ROR2: variants seen among roughly 807,000 people sequenced by gnomAD.
ROR2 encodes the protein ROR family WNT receptor 2.
A neutral mutation model predicts 74.9 loss-of-function variants in ROR2; 33 were observed. That is an observed-to-expected ratio of 0.44 (90% CI 0.33 to 0.59). The LOEUF (loss-of-function observed/expected upper bound fraction) is 0.59. ROR2 is among the 20% of genes least tolerant of loss of function. The pLI is 0.02. For missense variants in ROR2, 1,216 were observed against 1,313.8 expected, an observed-to-expected ratio of 0.93 and a Z score of 1.15; for synonymous variants, 586 against 558.7, an observed-to-expected ratio of 1.05 and a Z score of -0.69.
intron 1 of ROR2, among the ~76,000 whole-genome samples, chr9:91,890,908 T>C (rs1183081428): frequency 6.6e-6 from 1 of 152,226 alleles, no homozygotes; most frequent in African/African-American, 2.4e-5. Flanking sequence ...TAGCATCCAC[T>C]GAGATGATTT....
chr9:91,824,723 T>C (rs1454188028), intron 1 of ROR2, among the ~76,000 whole-genome samples: 2 of 152,134 alleles, frequency 1.3e-5, no homozygotes, highest in Non-Finnish European at 2.9e-5. Flanking sequence ...ATTTCCTTGA[T>C]GAGAAACAGG....
At position 91,911,677 on chromosome 9, in the gene ROR2, G is replaced by A. The variant is rs572035980; in HGVS notation, c.97+38190C>T. ...ATTACTGCAAGCAAAAACTACAGAT[G>A]GAGGCTAGAATTAGTGGAGGAGAAC... On this transcript the variant is annotated intron_variant, in intron 1 of 8. Coordinates refer to ENST00000375708, the MANE Select transcript of ROR2 (RefSeq NM_004560.4). Among the ~76,000 whole-genome samples the A allele has an allele frequency of 1.4e-4, 22 of 152,166 alleles. 1 individual carries two copies. The South Asian group carries it at 4.4e-3, about 30-fold the overall frequency.
chr9:91,845,656 C>A (rs1268811991), intron 1 of ROR2, among the ~76,000 whole-genome samples: 1 of 151,932 alleles, frequency 6.6e-6, no homozygotes, highest in African/African-American at 2.4e-5. Context: ...CTGAGGCGGG[C>A]GGATCACCTG....
At chr9:91,814,624 T>C (rs571664406) in intron 1 of ROR2, among the ~76,000 whole-genome samples, 2 of 152,344 alleles carry the variant, frequency 1.3e-5, no homozygotes, top group South Asian at 4.1e-4. Context: ...GACAAAAAGT[T>C]AACCTGAGAT....
At chr9:91,904,199 C>T (rs1168988536) in intron 1 of ROR2, among the ~76,000 whole-genome samples, 2 of 152,052 alleles carry the variant, frequency 1.3e-5, no homozygotes, top group African/African-American at 4.8e-5. Flanking sequence ...CACCACCACA[C>T]CCGGGCCCAG....
chr9:91,789,083 G>C (rs1260969194), intron 1 of ROR2, among the ~76,000 whole-genome samples: 2 of 152,118 alleles, frequency 1.3e-5, no homozygotes, highest in East Asian at 3.8e-4. Context: ...CTTCACGATA[G>C]CTAGAAGAGA....
At chr9:91,813,355 G>A (rs1827821864) in intron 1 of ROR2, among the ~76,000 whole-genome samples, 2 of 152,162 alleles carry the variant, frequency 1.3e-5, no homozygotes. Flanking sequence ...TTGTCTAAAT[G>A]TATTTATACT....
At chr9:91,909,861 T>TTG (rs1554691410) in intron 1 of ROR2, among the ~76,000 whole-genome samples, 2 of 129,194 alleles carry the variant, frequency 1.5e-5, no homozygotes, top group African/African-American at 3.1e-5. Flanking sequence ...TTTTTTTTTT[T>TTG]TTTTTTTTTT....
At chr9:91,922,099 G>GCAGCAA (rs1831283079) in intron 1 of ROR2, among the ~76,000 whole-genome samples, 1 of 147,568 alleles carries the variant, frequency 6.8e-6, no homozygotes, top group African/African-American at 2.4e-5. Context: ...CCAAACAACA[G>GCAGCAA]CAACAACAAC....
chr9:91,812,077 AT>A (rs1171171770), intron 1 of ROR2, among the ~76,000 whole-genome samples: 6 of 151,706 alleles, frequency 4.0e-5, no homozygotes, highest in African/African-American at 1.5e-4. Context: ...AAAAAAAAAA[AT>A]CTTATACTGT....
At chr9:91,933,190 C>T (rs577885930) in intron 1 of ROR2, among the ~76,000 whole-genome samples, 6 of 152,268 alleles carry the variant, frequency 3.9e-5, no homozygotes, top group African/African-American at 1.4e-4. Context: ...GTGGCACGCG[C>T]CTGTGGTCCC....
rs144303851 is a variant in ROR2, at chr9:91,752,570, G to A, written c.494+3501C>T. Among the ~76,000 whole-genome samples, 608 of 152,312 alleles carry A rather than the reference G, an allele frequency of 4.0e-3. 2 individuals are homozygous for A. Among genetic ancestry groups the A allele is most frequent in the Middle Eastern group, 0.01 (3 of 294 alleles). ...AAAAAATCAGAATAGTGGGTGCCTG[G>A]GGTAGAAGGGAGTTGACTAGGAAGT... is the stretch of plus-strand genomic sequence containing the variant. On this transcript the variant is annotated intron_variant, in intron 4 of 8. Coordinates refer to ENST00000375708, the MANE Select transcript of ROR2 (RefSeq NM_004560.4).
At chr9:91,726,408 CA>C (rs972778194) in intron 8 of ROR2, 132 bp downstream of exon 8, 8 of 903,648 alleles carry the variant, frequency 8.9e-6, no homozygotes, top group Non-Finnish European at 1.4e-5. Flanking sequence ...AAAAAAATGG[CA>C]AAATGAAGCG....
Position 91,947,561 on chromosome 9 carries a change from T to C in ROR2, c.97+2306A>G, listed in dbSNP as rs370173996. ...CTAGACGGATCACTATCATTATTTA[T>C]TACCACCATCACTCCAGGGATCTGG... On this transcript the variant is annotated intron_variant, in intron 1 of 8. Transcript: ENST00000375708. Among the ~76,000 whole-genome samples, 20 of 152,368 alleles carry C rather than the reference T, an allele frequency of 1.3e-4. No individual in the cohort carries two copies. The East Asian group carries it at 3.8e-3, about 29-fold the overall frequency.
At chr9:91,937,840 A>G (rs1024374536) in intron 1 of ROR2, among the ~76,000 whole-genome samples, 1 of 152,124 alleles carries the variant, frequency 6.6e-6, no homozygotes, top group African/African-American at 2.4e-5. Flanking sequence ...TAACCTCCCG[A>G]GTAGTTGGGA....
At chr9:91,837,896 G>A (rs751818381) in intron 1 of ROR2, among the ~76,000 whole-genome samples, 2 of 152,264 alleles carry the variant, frequency 1.3e-5, no homozygotes, top group South Asian at 4.1e-4. Flanking sequence ...CACATTCTAA[G>A]TGGAACACAT....
chr9:91,881,509 G>A (rs942968111), intron 1 of ROR2, among the ~76,000 whole-genome samples: 3 of 152,134 alleles, frequency 2.0e-5, no homozygotes, highest in Non-Finnish European at 2.9e-5. Flanking sequence ...ACTCGAAGTC[G>A]CAGTTTCCAA....
chr9:91,897,909 A>G (rs1830575905), intron 1 of ROR2, among the ~76,000 whole-genome samples: 2 of 152,126 alleles, frequency 1.3e-5, no homozygotes, highest in African/African-American at 4.8e-5. Flanking sequence ...AGGAAGGTGG[A>G]CATGTGGACA....
At chr9:91,874,701 C>G (rs1829906147) in intron 1 of ROR2, among the ~76,000 whole-genome samples, 1 of 152,232 alleles carries the variant, frequency 6.6e-6, no homozygotes, top group South Asian at 2.1e-4. Context: ...ACAGAAAGGC[C>G]GAGGTGGGTG....
Sources: gnomAD v4.1 joint callset for allele counts (sites outside exome capture counted in the v4.1 genomes callset) on GRCh38, gnomAD v4.1.1 for gene constraint, MANE v1.5 for transcripts, NCBI Gene and HGNC (gene_info 2026-07-23, HGNC 2026-07-21) for gene names.